CX3CR1: variants seen among roughly 807,000 people sequenced by gnomAD.
CX3CR1 encodes CX3C chemokine receptor 1.
For missense variants in CX3CR1, 363 were observed against 432.4 expected (o/e 0.84, Z 1.42); for synonymous variants, 168 against 178.5 (o/e 0.94, Z 0.47).
the CX3CR1 span, among the ~76,000 whole-genome samples, chr3:39,289,708 T>C: frequency 2.6e-5 from 4 of 152,142 alleles, no homozygotes; most frequent in African/African-American, 9.7e-5. Context: ...ATGACTATAT[T>C]TGGGGATGAG....
chr3:39,283,804 TA>T (rs2040926383), upstream of CX3CR1, among the ~76,000 whole-genome samples: 2 of 46,102 alleles, frequency 4.3e-5, no homozygotes, highest in African/African-American at 2.4e-4. Flanking sequence ...ATTATATATA[TA>T]TATATATATA....
chr3:39,283,940 A>G (rs1392843997), upstream of CX3CR1, among the ~76,000 whole-genome samples: 3 of 150,794 alleles, frequency 2.0e-5, no homozygotes, highest in Admixed American at 2.0e-4. Context: ...ATTTACCTTT[A>G]CAAATAACTA....
chr3:39,290,186 G>C, the CX3CR1 span, among the ~76,000 whole-genome samples: 1 of 152,160 alleles, frequency 6.6e-6, no homozygotes, highest in Non-Finnish European at 1.5e-5. Flanking sequence ...CACGTCTAAG[G>C]GAGGATTCAG....
At chr3:39,281,544 G>T, upstream of CX3CR1, 1 of 1,402,486 alleles carries the variant, frequency 7.1e-7, no homozygotes, top group Non-Finnish European at 9.9e-7. Flanking sequence ...CTCCATCCAG[G>T]GCCTGGATAA....
At position 39,278,926 on chromosome 3, in the gene CX3CR1, A is replaced by AT. The variant is rs199501050; in HGVS notation, c.-10+1027dup. ...GAGCCTGAGTATCCTCACAATGGTT[A>AT]TAACAACATATATCAAAATTGAACA... On this transcript the variant is annotated intron_variant, in intron 1 of 1. Transcript: ENST00000399220. Among the ~76,000 whole-genome samples the AT allele has an allele frequency of 1.5e-4, 23 of 152,326 alleles. No homozygotes were observed. In the East Asian group the frequency reaches 4.4e-3, roughly 29 times the overall value.
intron 1 of CX3CR1, among the ~76,000 whole-genome samples, chr3:39,277,775 C>T (rs1348086105): frequency 1.3e-5 from 2 of 152,156 alleles, no homozygotes; most frequent in Non-Finnish European, 2.9e-5. Flanking sequence ...AGCTCTAATA[C>T]GTTCTTTGCT....
At chr3:39,266,546 G>A in intron 1 of CX3CR1, 28 bp from the exon 2 acceptor site, 1 of 1,606,134 alleles carries the variant, frequency 6.2e-7, no homozygotes, top group Non-Finnish European at 8.5e-7. Flanking sequence ...ACAAGTAACT[G>A]TGTTAGTTAT....
upstream of CX3CR1, among the ~76,000 whole-genome samples, chr3:39,283,030 T>C (rs995739810): frequency 6.6e-6 from 1 of 152,178 alleles, no homozygotes; most frequent in Non-Finnish European, 1.5e-5. Flanking sequence ...TAGCTGGAAC[T>C]ACAGGCACAC....
intron 1 of CX3CR1, among the ~76,000 whole-genome samples, chr3:39,273,935 A>G (rs2040808920): frequency 6.6e-6 from 1 of 152,182 alleles, no homozygotes; most frequent in Non-Finnish European, 1.5e-5. Flanking sequence ...TGGCCAAGGA[A>G]GCAGTCTTAA....
chr3:39,280,093 T>C (rs1164554979), upstream of CX3CR1: 1 of 976,182 alleles, frequency 1.0e-6, no homozygotes. Flanking sequence ...GTATCTTGTT[T>C]CCTGTAAGGG....
intron 1 of CX3CR1, among the ~76,000 whole-genome samples, chr3:39,277,208 G>A (rs1356232288): frequency 1.3e-5 from 2 of 152,192 alleles, no homozygotes; most frequent in East Asian, 1.9e-4. Context: ...ACAAGATGAG[G>A]GGGTCGAAGC....
intron 1 of CX3CR1, among the ~76,000 whole-genome samples, chr3:39,271,559 G>A (rs2040777189): frequency 1.3e-5 from 2 of 152,136 alleles, no homozygotes; most frequent in Admixed American, 1.3e-4. Context: ...AACATATGTG[G>A]TCATGAAATA....
chr3:39,283,833 AT>A (rs2040927107), upstream of CX3CR1, among the ~76,000 whole-genome samples: 4 of 127,264 alleles, frequency 3.1e-5, no homozygotes, highest in Admixed American at 1.6e-4. Flanking sequence ...ATATATATAT[AT>A]ATATATAATG....
At chr3:39,278,682 G>C (rs1313003041) in intron 1 of CX3CR1, among the ~76,000 whole-genome samples, 1 of 128,614 alleles carries the variant, frequency 7.8e-6, no homozygotes, top group Non-Finnish European at 1.6e-5. Flanking sequence ...TTGTGGAGTG[G>C]GTGTTGAAAG....
chr3:39,280,990 G>T, upstream of CX3CR1: 1 of 705,830 alleles, frequency 1.4e-6, no homozygotes, highest in Non-Finnish European at 1.7e-6. Flanking sequence ...CCCCTTCAAG[G>T]CCCCTCTGGC....
At chr3:39,269,619 G>T (rs1168986439) in intron 1 of CX3CR1, among the ~76,000 whole-genome samples, 1 of 152,208 alleles carries the variant, frequency 6.6e-6, no homozygotes, top group Non-Finnish European at 1.5e-5. Context: ...TGTATTGAGA[G>T]CCAAATGGCT....
the CX3CR1 span, among the ~76,000 whole-genome samples, chr3:39,288,357 A>T: frequency 1.3e-5 from 2 of 152,202 alleles, no homozygotes; most frequent in Non-Finnish European, 2.9e-5. Context: ...TAAGGATACA[A>T]AGATGAATAG....
upstream of CX3CR1, among the ~76,000 whole-genome samples, chr3:39,285,270 TATGGGAGGCTGAG>T (rs1282151585): frequency 1.3e-5 from 2 of 150,108 alleles, no homozygotes; most frequent in Non-Finnish European, 3.0e-5. Flanking sequence ...TAGTCCCAGC[TATGGGAGGCTGAG>T]ATGGGAGGAT....
At chr3:39,274,481 CAAAAAAAAA>C (rs10663570) in intron 1 of CX3CR1, among the ~76,000 whole-genome samples, 3 of 88,296 alleles carry the variant, frequency 3.4e-5, no homozygotes, top group East Asian at 3.0e-4. Context: ...CAACCACCAC[CAAAAAAAAA>C]AAAAAAAAAA....
Sources: allele counts gnomAD v4.1 joint callset (sites outside exome capture counted in the v4.1 genomes callset), GRCh38; gene constraint gnomAD v4.1.1; transcripts MANE v1.5; gene names NCBI Gene and HGNC (gene_info 2026-07-23, HGNC 2026-07-21).